Variants in CSRNP1 observed in about 807,000 individuals in gnomAD.
The protein encoded by CSRNP1 is cysteine/serine-rich nuclear protein 1.
A neutral mutation model predicts 25.0 loss-of-function variants in CSRNP1; 8 were observed. The ratio of observed to expected loss-of-function variants is 0.32; its 90% confidence interval spans 0.19 to 0.58. CSRNP1 has a LOEUF of 0.58. CSRNP1 is among the 20% of genes least tolerant of loss of function. CSRNP1 has a pLI of 0.88. For synonymous variants in CSRNP1, 305 were observed against 303.1 expected, an observed-to-expected ratio of 1.01 and a Z score of -0.06; for missense variants, 691 against 773.1, an observed-to-expected ratio of 0.89 and a Z score of 1.26.
upstream of CSRNP1, chr3:39,153,809 C>G (rs377056072): frequency 9.2e-5 from 14 of 152,426 alleles, no homozygotes; most frequent in East Asian, 1.2e-3. Flanking sequence ...CCGCCCCCAG[C>G]CCTCTCCCGC....
Position 39,144,323 on chromosome 3 carries a change from G to A in CSRNP1, c.594C>T (p.Phe198=), listed in dbSNP as rs762321878. Residue 198 remains phenylalanine (F), a synonymous_variant, in exon 4 of 5, where the codon TTC becomes TTT. Coordinates refer to ENST00000273153, the MANE Select transcript of CSRNP1 (RefSeq NM_033027.4). Reference sequence around the variant, plus strand: ...GTCGCCGGGCTGGGTAGGGCTGTAGGAAGCTCACTTCTTCCAACCGGCCAC... The same window carrying A: ...GTCGCCGGGCTGGGTAGGGCTGTAGAAAGCTCACTTCTTCCAACCGGCCAC... ...VAGGRLEEVS[F]LQPYPARRRR... 1.2e-6 allele frequency: 2 copies of A among 1,614,050 alleles called. No individual in the cohort carries two copies. Among genetic ancestry groups the A allele is most frequent in the Non-Finnish European group, 1.7e-6 (2 of 1,180,034 alleles).
At chr3:39,151,163 C>T (rs2039575997) in intron 1 of CSRNP1, 1 of 152,202 alleles carries the variant, frequency 6.6e-6, no homozygotes, top group Non-Finnish European at 1.5e-5. Flanking sequence ...AGGGTGAGCA[C>T]AGCCCCCTCC....
At position 39,153,442 on chromosome 3, in the gene CSRNP1, A is replaced by C. The variant is rs1204715284; in HGVS notation, c.-45T>G. On this transcript the variant is annotated 5_prime_UTR_variant, in exon 1 of 5. The change creates a new upstream start codon in the 5' untranslated region. Transcript: ENST00000273153. ...CCGAGGCCCCTCGGCGCTCACCTGCAATCCGGACGCTCGCGGAGGACAACG... is the reference window on the plus strand; with the variant it reads ...CCGAGGCCCCTCGGCGCTCACCTGCCATCCGGACGCTCGCGGAGGACAACG... The C allele has an allele frequency of 3.0e-6, 1 of 331,464 alleles. No individual in the cohort carries two copies. The allele number at this position is 331,464 out of a possible 1,614,324, so 20.5% of individuals were successfully genotyped here. A position where few individuals can be genotyped will look rare whatever the true frequency, so the allele number is the denominator to read the frequency against.
chr3:39,150,622 T>A (rs1314210638), intron 1 of CSRNP1: 1 of 152,570 alleles, frequency 6.6e-6, no homozygotes, highest in African/African-American at 2.4e-5. Flanking sequence ...AAGCTCAGGC[T>A]GCAGGCAGGT....
At chr3:39,144,750 C>T (rs1425890470) in intron 3 of CSRNP1, among the ~76,000 whole-genome samples, 5 of 152,102 alleles carry the variant, frequency 3.3e-5, no homozygotes, top group African/African-American at 7.2e-5. Flanking sequence ...TCCCCCTCTC[C>T]AAAAAGTTCA....
chr3:39,147,233 GTGTA>G (rs768299397), intron 1 of CSRNP1, among the ~76,000 whole-genome samples: 2,801 of 149,546 alleles, frequency 0.019, 49 homozygotes, highest in South Asian at 0.066. Context: ...GTGTGTGTGT[GTGTA>G]TGTGTGTGTG....
In CSRNP1 at chr3:39,144,437, C is replaced by T; in HGVS notation, c.480G>A (p.Gly160=). The change falls in exon 4 of 5, where the codon GGG becomes GGA. Residue 160 remains glycine, a synonymous_variant. Transcript: ENST00000273153. ...GCAGCCCTGCCTCTGCCTGGGGTAC[C>T]CCAGCTGCCGAAAGCTGCATCCACA... The part of the protein sequence containing the change: ...EMLQWKLSAA[G]VPQAEAGLPP... 1.2e-6 allele frequency: 2 copies of T among 1,604,900 alleles called. No homozygotes were observed. Among genetic ancestry groups the T allele is most frequent in the African/African-American group, 1.3e-5 (1 of 74,914 alleles).
upstream of CSRNP1, chr3:39,153,648 G>A (rs2039616997): frequency 6.6e-6 from 1 of 151,806 alleles, no homozygotes; most frequent in African/African-American, 2.4e-5. Context: ...AAACTCCGGG[G>A]CTCACTGCGC....
intron 2 of CSRNP1, among the ~76,000 whole-genome samples, chr3:39,145,614 C>A (rs972266606): frequency 6.6e-6 from 1 of 152,208 alleles, no homozygotes; most frequent in Non-Finnish European, 1.5e-5. Flanking sequence ...CTTAAAAAGG[C>A]TTTCCCTTTA....
At chr3:39,145,376 A>G (rs1166055832) in intron 2 of CSRNP1, 120 bp from the exon 3 acceptor site, 1 of 1,242,876 alleles carries the variant, frequency 8.0e-7, no homozygotes, top group Non-Finnish European at 1.1e-6. Context: ...CTCTCCACCC[A>G]TTTTGAAAAA....
chr3:39,146,283 G>A (rs2039509274), intron 2 of CSRNP1, among the ~76,000 whole-genome samples, 195 bp downstream of exon 2: 1 of 152,208 alleles, frequency 6.6e-6, no homozygotes, highest in Non-Finnish European at 1.5e-5. Context: ...TCACTCCCAA[G>A]GTCAAAGGTG....
chr3:39,146,460 A>C lies in CSRNP1; in HGVS notation c.205+18T>G, dbSNP rs1314011824. ...AAGGCAGGCAGGTGATGGAGTTCCC[A>C]GGGGAGGGAGTACTCACGGGTGAAA... On this transcript the variant is annotated intron_variant, in intron 2 of 4. Coordinates refer to ENST00000273153, the MANE Select transcript of CSRNP1 (RefSeq NM_033027.4). The C allele has an allele frequency of 6.6e-7, 1 of 1,514,250 alleles. No homozygotes were observed. The highest frequency in any genetic ancestry group is 1.3e-5 in the South Asian group (1 of 79,048). 93.8% of individuals were successfully genotyped at this position (1,514,250 alleles called of 1,614,324 possible).
In CSRNP1 at chr3:39,143,468, C is replaced by T. The variant is rs1274958; in HGVS notation, c.1357G>A (p.Val453Ile). ...TCCAGGTTGGCATTCTCATCCAGGA[C>T]GCCTGATGTGAAGCTACAGCCAGAA... ...SYSGCSFTSG[V>I]LDENANLDAS... Residue 453 changes from valine to isoleucine, a missense_variant, in exon 5 of 5, where the codon GTC (valine) becomes ATC (isoleucine). By Grantham distance (29) the Val-to-Ile change is conservative. Coordinates refer to ENST00000273153, the MANE Select transcript of CSRNP1 (RefSeq NM_033027.4). The T allele has an allele frequency of 0.77, 1,236,462 of 1,613,840 alleles. 474,002 individuals are homozygous for T. Among genetic ancestry groups the T allele is most frequent in the South Asian group, 0.8 (72,400 of 91,062 alleles).
At position 39,144,029 on chromosome 3, in the gene CSRNP1, A is replaced by G; in HGVS notation, c.796T>C (p.Phe266Leu). The G allele has an allele frequency of 6.2e-7, 1 of 1,612,058 alleles. No homozygotes were observed. Residue 266 changes from phenylalanine to leucine, a missense_variant, in exon 5 of 5, where the codon TTC becomes CTC. By Grantham distance (22) the Phe-to-Leu change is conservative. Coordinates refer to ENST00000273153, the MANE Select transcript of CSRNP1 (RefSeq NM_033027.4). ...CCCTCCCTGCAGCAGCCACAGGGGA[A>G]TGCTGTGTGGTCCATCTGCAGAGAA... ...GIKCQMDHTA[F>L]PCGCCREGCE...
chr3:39,147,653 C>T (rs2039533635), intron 1 of CSRNP1, among the ~76,000 whole-genome samples: 1 of 152,098 alleles, frequency 6.6e-6, no homozygotes, highest in African/African-American at 2.4e-5. Context: ...CACTGTCTCC[C>T]AAGTGAGAGT....
chr3:39,146,454 G>A (rs2039511805), intron 2 of CSRNP1, 24 bp downstream of exon 2: 2 of 1,500,918 alleles, frequency 1.3e-6, no homozygotes, highest in African/African-American at 2.8e-5. Flanking sequence ...AGGTGATGGA[G>A]TTCCCAGGGG....
intron 1 of CSRNP1, among the ~76,000 whole-genome samples, chr3:39,147,573 C>G (rs1438051865): frequency 6.6e-6 from 1 of 152,124 alleles, no homozygotes; most frequent in Non-Finnish European, 1.5e-5. Context: ...TCTTTAACAT[C>G]TCATTTGATC....
Position 39,144,991 on chromosome 3 carries a change from C to T in CSRNP1, c.465+6G>A. The T allele has an allele frequency of 6.2e-7, 1 of 1,603,404 alleles. No individual in the cohort carries two copies. The highest frequency in any genetic ancestry group is 8.5e-7 in the Non-Finnish European group (1 of 1,173,006). ...GGAGGTGCGCCACGGAGAGGACTCT[C>T]TCTACCTTCCACTGCAGCATCTCCA... On this transcript the variant is annotated splice_donor_region_variant and intron_variant, in intron 3 of 4. Coordinates refer to ENST00000273153, the MANE Select transcript of CSRNP1 (RefSeq NM_033027.4).
At chr3:39,149,553 C>G (rs1381071544) in intron 1 of CSRNP1, 1 of 152,286 alleles carries the variant, frequency 6.6e-6, no homozygotes, top group East Asian at 1.9e-4. Context: ...TGCCCTCTTT[C>G]CCCAGCCATT....
Sources: allele counts gnomAD v4.1 joint callset (sites outside exome capture counted in the v4.1 genomes callset), GRCh38; gene constraint gnomAD v4.1.1; transcripts MANE v1.5; gene names NCBI Gene and HGNC (gene_info 2026-07-23, HGNC 2026-07-21).